Variants in DLG2 observed in about 807,000 individuals in gnomAD.
DLG2 encodes discs large MAGUK scaffold protein 2.
DLG2 carries 45 observed loss-of-function variants against 132.5 expected under a neutral mutation model. The observed-to-expected ratio is 0.34, with a 90% CI of 0.27 to 0.44. The LOEUF (loss-of-function observed/expected upper bound fraction) is 0.44. Among genes scored for constraint, DLG2 ranks in the 20% least tolerant of loss-of-function variants. The pLI is 1.00. For missense variants in DLG2, 1,045 were observed against 1,196.9 expected, an observed-to-expected ratio of 0.87 and a Z score of 1.87; for synonymous variants, 424 against 419.6, an observed-to-expected ratio of 1.01 and a Z score of -0.13.
chr11:85,232,121 AAC>A (rs2152648494), intron 4 of DLG2, among the ~76,000 whole-genome samples: 1 of 152,052 alleles, frequency 6.6e-6, no homozygotes, highest in East Asian at 1.9e-4. Context: ...TCTACCAAGC[AAC>A]ATGCTAAATA....
intron 11 of DLG2, among the ~76,000 whole-genome samples, chr11:84,032,725 G>C (rs1303389055): frequency 2.6e-5 from 4 of 152,208 alleles, no homozygotes; most frequent in African/African-American, 7.2e-5. Context: ...TTCGTAGCTA[G>C]AGAGGAGAAG....
At chr11:84,545,606 T>A (rs924474050) in intron 6 of DLG2, 6 of 349,872 alleles carry the variant, frequency 1.7e-5, no homozygotes, top group Non-Finnish European at 2.8e-5. Flanking sequence ...CCATTCACAA[T>A]ATGGTACTTC....
intron 19 of DLG2, among the ~76,000 whole-genome samples, chr11:83,544,191 A>G (rs1477658677): frequency 6.6e-6 from 1 of 152,166 alleles, no homozygotes; most frequent in African/African-American, 2.4e-5. Context: ...AATTTTTTCC[A>G]GACTTTGTCC....
At chr11:85,165,066 T>C (rs914605506) in intron 4 of DLG2, among the ~76,000 whole-genome samples, 9 of 152,188 alleles carry the variant, frequency 5.9e-5, no homozygotes, top group African/African-American at 1.9e-4. Flanking sequence ...TGAAAACCTC[T>C]GATCTAGTTA....
At chr11:85,357,192 A>G (rs1335105904) in intron 3 of DLG2, among the ~76,000 whole-genome samples, 2 of 151,608 alleles carry the variant, frequency 1.3e-5, no homozygotes, top group Non-Finnish European at 2.9e-5. Context: ...ACCTCCAAAA[A>G]GATAAGGTTT....
intron 2 of DLG2, among the ~76,000 whole-genome samples, chr11:85,610,670 G>A (rs2080929928): frequency 6.6e-6 from 1 of 152,206 alleles, no homozygotes; most frequent in Non-Finnish European, 1.5e-5. Flanking sequence ...CATGCCAACA[G>A]GCTACTCTAG....
intron 3 of DLG2, among the ~76,000 whole-genome samples, chr11:85,366,940 T>TC (rs1417407832): frequency 6.6e-6 from 1 of 152,170 alleles, no homozygotes; most frequent in African/African-American, 2.4e-5. Context: ...TTCAATTATG[T>TC]ATCACTGTGA....
chr11:84,661,577 T>C (rs2099694474), intron 6 of DLG2, among the ~76,000 whole-genome samples: 1 of 152,180 alleles, frequency 6.6e-6, no homozygotes, highest in African/African-American at 2.4e-5. Flanking sequence ...AAATTTATCA[T>C]CACTTAATAA....
intron 21 of DLG2, among the ~76,000 whole-genome samples, chr11:83,502,612 C>T (rs2094494912): frequency 1.3e-5 from 2 of 152,092 alleles, no homozygotes. Flanking sequence ...TTTCTTCACT[C>T]CCAGGAATGC....
chr11:83,715,157 G>C (rs1267958840), intron 18 of DLG2, among the ~76,000 whole-genome samples: 1 of 151,988 alleles, frequency 6.6e-6, no homozygotes, highest in African/African-American at 2.4e-5. Flanking sequence ...CTTCCCTCTG[G>C]TCCCAAGTCT....
chr11:84,052,275 A>G (rs2096402565), intron 11 of DLG2, among the ~76,000 whole-genome samples: 1 of 151,916 alleles, frequency 6.6e-6, no homozygotes, highest in Non-Finnish European at 1.5e-5. Context: ...TACACATAAC[A>G]TAAATATATT....
intron 6 of DLG2, among the ~76,000 whole-genome samples, chr11:84,895,784 A>G (rs1483346316): frequency 6.6e-6 from 1 of 152,134 alleles, no homozygotes; most frequent in African/African-American, 2.4e-5. Flanking sequence ...TTGGTCATGT[A>G]TCAAGTTAAG....
At chr11:83,630,565 G>T (rs1043447054) in intron 19 of DLG2, among the ~76,000 whole-genome samples, 7 of 152,164 alleles carry the variant, frequency 4.6e-5, no homozygotes, top group Non-Finnish European at 7.4e-5. Flanking sequence ...AGACATTTGT[G>T]TTAGAATTTC....
intron 6 of DLG2, among the ~76,000 whole-genome samples, chr11:84,814,990 TGAAAGAGAA>T (rs2076949578): frequency 1.3e-5 from 2 of 152,112 alleles, no homozygotes; most frequent in South Asian, 4.2e-4. Context: ...GAGTATATGC[TGAAAGAGAA>T]GTAAGAGAAG....
intron 19 of DLG2, among the ~76,000 whole-genome samples, chr11:83,586,452 T>C (rs1187393823): frequency 6.6e-6 from 1 of 152,232 alleles, no homozygotes; most frequent in Non-Finnish European, 1.5e-5. Flanking sequence ...ACTTCTCTTA[T>C]GAGAATAACC....
intron 9 of DLG2, among the ~76,000 whole-genome samples, chr11:84,159,359 T>A (rs570761453): frequency 7.9e-5 from 12 of 152,200 alleles, no homozygotes; most frequent in Non-Finnish European, 1.5e-4. Flanking sequence ...GCTACTAATT[T>A]AATTACAGTG....
intron 11 of DLG2, among the ~76,000 whole-genome samples, chr11:84,052,979 G>C (rs1168239506): frequency 6.6e-6 from 1 of 152,026 alleles, no homozygotes; most frequent in Non-Finnish European, 1.5e-5. Context: ...GTTCATTGCA[G>C]CACTATTCAC....
intron 6 of DLG2, among the ~76,000 whole-genome samples, chr11:84,821,325 T>C (rs115920751): frequency 0.014 from 2,095 of 151,814 alleles, 47 homozygotes; most frequent in African/African-American, 0.048. Flanking sequence ...GAAACGCAGA[T>C]AGAAAACAGT....
At chr11:84,153,974 C>T (rs2084030982) in intron 9 of DLG2, among the ~76,000 whole-genome samples, 1 of 152,148 alleles carries the variant, frequency 6.6e-6, no homozygotes, top group Non-Finnish European at 1.5e-5. Context: ...TCTTACATTG[C>T]TATCACTTGG....
Sources: gnomAD v4.1 joint callset for allele counts (sites outside exome capture counted in the v4.1 genomes callset) on GRCh38, gnomAD v4.1.1 for gene constraint, MANE v1.5 for transcripts, NCBI Gene and HGNC (gene_info 2026-07-23, HGNC 2026-07-21) for gene names.